ZNF345: variants seen among roughly 807,000 people sequenced by gnomAD.
ZNF345 encodes zinc finger protein 345.
For synonymous variants in ZNF345, 166 were observed against 187.9 expected (o/e 0.88, Z 0.95); for missense variants, 527 against 589.9 (o/e 0.89, Z 1.10).
At chr19:36,891,933 A>C in intron 3 of ZNF345, 1 of 1,614,042 alleles carries the variant, frequency 6.2e-7, no homozygotes. Context: ...GAATTCTCAG[A>C]TGTAGAAAAA....
At chr19:36,891,819 A>C in intron 3 of ZNF345, 1 of 1,614,172 alleles carries the variant, frequency 6.2e-7, no homozygotes, top group African/African-American at 1.3e-5. Flanking sequence ...GCTTACATTC[A>C]TAAGGTTTCT....
Position 36,878,534 on chromosome 19 carries a change from G to GA in ZNF345, c.*246dup, listed in dbSNP as rs534001871. ...ATTCTTACTTGTGAATGTTAAAAAT[G>GA]AAAAAAAAATCATTTATTATATTTT... is the stretch of plus-strand genomic sequence containing the variant. On this transcript the variant is annotated 3_prime_UTR_variant, in exon 3 of 3. Transcript: ENST00000420450. The GA allele has an allele frequency of 1.1e-3, 370 of 334,864 alleles. No homozygotes were observed. The highest frequency in any genetic ancestry group is 2.7e-3 in the African/African-American group (123 of 46,082). 20.7% of individuals were successfully genotyped at this position (334,864 alleles called of 1,614,324 possible).
chr19:36,877,807 G>C lies in ZNF345; in HGVS notation c.977G>C (p.Gly326Ala). The change falls in exon 3 of 3, where the codon GGT becomes GCT. Residue 326 changes from glycine to alanine, a missense_variant. Transcript: ENST00000420450. Reference protein sequence around the residue: ...CKECEKAFRSGSKLIQHQRMH... With the variant: ...CKECEKAFRSASKLIQHQRMH... The stretch of plus-strand genomic sequence containing the variant: ...GAGTGTGAGAAAGCCTTTAGAAGTG[G>C]TTCAAAACTTATTCAGCATCAAAGA... The C allele has an allele frequency of 6.2e-7, 1 of 1,613,804 alleles. No homozygotes were observed. The highest frequency in any genetic ancestry group is 8.5e-7 in the Non-Finnish European group (1 of 1,179,926).
intron 3 of ZNF345, among the ~76,000 whole-genome samples, chr19:36,887,021 G>C (rs1021485259): frequency 6.6e-6 from 1 of 151,098 alleles, no homozygotes; most frequent in Non-Finnish European, 1.5e-5. Flanking sequence ...AAATTAGCTG[G>C]GGGTGGTGGT....
chr19:36,886,675 G>T (rs1472794599), intron 3 of ZNF345, among the ~76,000 whole-genome samples: 1 of 151,880 alleles, frequency 6.6e-6, no homozygotes, highest in African/African-American at 2.4e-5. Flanking sequence ...GTGAAGCCCC[G>T]TCTCTACTAA....
intron 2 of ZNF345, among the ~76,000 whole-genome samples, chr19:36,873,237 T>C (rs1031187203): frequency 1.3e-5 from 2 of 152,166 alleles, no homozygotes; most frequent in Non-Finnish European, 2.9e-5. Context: ...GAATATACGT[T>C]GTGACTTTTG....
intron 2 of ZNF345, among the ~76,000 whole-genome samples, chr19:36,870,981 C>T (rs935646850): frequency 6.6e-6 from 1 of 152,044 alleles, no homozygotes; most frequent in Non-Finnish European, 1.5e-5. Context: ...TTCTGAATAC[C>T]CATTTTCTTC....
intron 2 of ZNF345, among the ~76,000 whole-genome samples, chr19:36,861,486 C>G (rs185428022): frequency 1.3e-5 from 2 of 152,276 alleles, no homozygotes; most frequent in African/African-American, 4.8e-5. Context: ...GAATGCTAAC[C>G]TATACTGTGG....
At chr19:36,891,767 GGTTA>G (rs2073055738) in intron 3 of ZNF345, 3 of 1,614,022 alleles carry the variant, frequency 1.9e-6, no homozygotes, top group South Asian at 1.1e-5. Flanking sequence ...ATTCTGTGAT[GGTTA>G]GTAAGTGTTG....
chr19:36,889,855 C>A (rs1056220009), intron 3 of ZNF345: 1 of 152,054 alleles, frequency 6.6e-6, no homozygotes. Context: ...TGAGATGTGA[C>A]GTTAGGCTAT....
At chr19:36,866,758 C>T (rs555235477) in intron 2 of ZNF345, among the ~76,000 whole-genome samples, 7 of 152,242 alleles carry the variant, frequency 4.6e-5, no homozygotes, top group African/African-American at 7.2e-5. Flanking sequence ...ACTGTGTTGG[C>T]CAGGCTGGTC....
chr19:36,864,374 G>C (rs2072615879), intron 2 of ZNF345, among the ~76,000 whole-genome samples: 1 of 152,150 alleles, frequency 6.6e-6, no homozygotes, highest in Non-Finnish European at 1.5e-5. Context: ...CAATTAGCCA[G>C]GTGTGGTGCA....
chr19:36,883,075 C>G (rs75943916), downstream of ZNF345, among the ~76,000 whole-genome samples: 802 of 152,286 alleles, frequency 5.3e-3, 22 homozygotes, highest in Admixed American at 0.038. Flanking sequence ...TAGAGCTGCA[C>G]TAGGTCTGTT....
intron 2 of ZNF345, among the ~76,000 whole-genome samples, chr19:36,867,464 A>T (rs901990036): frequency 6.6e-6 from 1 of 152,176 alleles, no homozygotes; most frequent in Non-Finnish European, 1.5e-5. Context: ...AACCTTTTTC[A>T]TCTGCCTCTA....
intron 3 of ZNF345, among the ~76,000 whole-genome samples, chr19:36,884,890 C>T (rs942300464): frequency 1.3e-5 from 2 of 152,174 alleles, no homozygotes; most frequent in Admixed American, 6.5e-5. Context: ...TATACTTTGA[C>T]TTACTCATTC....
intron 2 of ZNF345, among the ~76,000 whole-genome samples, chr19:36,873,429 C>T (rs2072810279): frequency 6.6e-6 from 1 of 152,106 alleles, no homozygotes; most frequent in African/African-American, 2.4e-5. Flanking sequence ...GAAATGGTGA[C>T]TGTAGTCAAG....
chr19:36,891,897 A>G, intron 3 of ZNF345: 2 of 1,614,046 alleles, frequency 1.2e-6, no homozygotes, highest in Non-Finnish European at 1.7e-6. Flanking sequence ...CACATTCTTT[A>G]CATTCATAAG....
At chr19:36,863,250 C>T (rs2072591217) in intron 2 of ZNF345, among the ~76,000 whole-genome samples, 1 of 152,090 alleles carries the variant, frequency 6.6e-6, no homozygotes, top group Non-Finnish European at 1.5e-5. Context: ...TTGAGCATTT[C>T]CTTACTTCCT....
At chr19:36,862,845 A>G (rs1477225554) in intron 2 of ZNF345, 2 of 152,120 alleles carry the variant, frequency 1.3e-5, no homozygotes, top group African/African-American at 2.4e-5. Flanking sequence ...ATTTGGAAAC[A>G]GGGCCTTTAA....
Sources: gnomAD v4.1 joint callset for allele counts (sites outside exome capture counted in the v4.1 genomes callset) on GRCh38, gnomAD v4.1.1 for gene constraint, MANE v1.5 for transcripts, NCBI Gene and HGNC (gene_info 2026-07-23, HGNC 2026-07-21) for gene names.